ATP11B: variants seen among roughly 807,000 people sequenced by gnomAD.
The protein encoded by ATP11B is phospholipid-transporting ATPase IF.
Under a neutral mutation model 157.8 loss-of-function variants are expected in ATP11B, and 81 were observed. That is an observed-to-expected ratio of 0.51 (90% CI 0.43 to 0.62). The LOEUF (loss-of-function observed/expected upper bound fraction) is 0.62. Among genes scored for constraint, ATP11B ranks in the 20% least tolerant of loss-of-function variants. The pLI is 0.00. For synonymous variants in ATP11B, 451 were observed against 469.4 expected (o/e 0.96, Z 0.51); for missense variants, 1,165 against 1,402.2 (o/e 0.83, Z 2.70).
rs761899019 is a variant in ATP11B, at chr3:182,820,273, C to T, written c.41C>T (p.Pro14Leu). 5.0e-6 allele frequency: 8 copies of T among 1,613,390 alleles called. No individual in the cohort carries two copies. The highest frequency in any genetic ancestry group is 6.8e-6 in the Non-Finnish European group (8 of 1,179,360). ...GATTGGTCTTAGGGTTTTGACCCACCACATCAGAGTGACACAAGAACCATC... is the reference window on the plus strand; with the variant it reads ...GATTGGTCTTAGGGTTTTGACCCACTACATCAGAGTGACACAAGAACCATC... ...WIRQQLGFDP[P>L]HQSDTRTIYV... is the part of the protein sequence containing the mutation. The change falls in exon 2 of 30, where the codon CCA becomes CTA. Residue 14 changes from proline to leucine, a missense_variant. Coordinates refer to ENST00000323116, the MANE Select transcript of ATP11B (RefSeq NM_014616.3).
At chr3:182,798,819 A>G (rs1340337142) in intron 1 of ATP11B, among the ~76,000 whole-genome samples, 1 of 152,244 alleles carries the variant, frequency 6.6e-6, no homozygotes, top group Non-Finnish European at 1.5e-5. Context: ...AAAATATCTC[A>G]TTCATTTTCT....
chr3:182,917,437 A>G (rs1299408965), intron 29 of ATP11B: 1 of 985,384 alleles, frequency 1.0e-6, no homozygotes, highest in Non-Finnish European at 1.2e-6. Context: ...TTCAAACACC[A>G]GTTAACTTTT....
In ATP11B at chr3:182,857,862, C is replaced by CT; in HGVS notation, c.852-11dup. 7.0e-7 allele frequency: 1 copy of CT among 1,435,102 alleles called. No homozygotes were observed. Among genetic ancestry groups the CT allele is most frequent in the Non-Finnish European group, 9.7e-7 (1 of 1,030,378 alleles). 88.9% of individuals were successfully genotyped at this position (1,435,102 alleles called of 1,614,324 possible). On this transcript the variant is annotated splice_polypyrimidine_tract_variant and intron_variant, in intron 10 of 29. Coordinates refer to ENST00000323116, the MANE Select transcript of ATP11B (RefSeq NM_014616.3). ...ACATGAGTTGTATGTTTTATATTCT[C>CT]TTTTTCTTCCTTAAGGTCAATGAAT...
At chr3:182,818,333 G>C (rs890721862) in intron 1 of ATP11B, among the ~76,000 whole-genome samples, 2 of 152,176 alleles carry the variant, frequency 1.3e-5, no homozygotes, top group Non-Finnish European at 2.9e-5. Context: ...TTATTCATCT[G>C]TTTACCAAAT....
intron 8 of ATP11B, chr3:182,843,528 C>T (rs762796215): frequency 2.0e-5 from 3 of 152,130 alleles, no homozygotes; most frequent in Non-Finnish European, 2.9e-5. Context: ...AATCCAGAAC[C>T]GCTTACTTAC....
intron 8 of ATP11B, among the ~76,000 whole-genome samples, 196 bp downstream of exon 8, chr3:182,842,318 G>A (rs1418491431): frequency 6.6e-6 from 1 of 152,140 alleles, no homozygotes; most frequent in African/African-American, 2.4e-5. Flanking sequence ...GTGCAAGCTA[G>A]AGTGTTTAGT....
At chr3:182,808,126 G>A (rs1278382001) in intron 1 of ATP11B, among the ~76,000 whole-genome samples, 2 of 152,198 alleles carry the variant, frequency 1.3e-5, no homozygotes, top group Admixed American at 6.5e-5. Context: ...TACCTAGAAC[G>A]TTGTTTCTTC....
chr3:182,825,839 G>A (rs1001399846), intron 2 of ATP11B, among the ~76,000 whole-genome samples: 1 of 152,152 alleles, frequency 6.6e-6, no homozygotes, highest in African/African-American at 2.4e-5. Context: ...GGCGGAGGTT[G>A]CAGTGGGCCA....
intron 1 of ATP11B, among the ~76,000 whole-genome samples, chr3:182,800,603 T>C (rs1715937155): frequency 6.6e-6 from 1 of 152,146 alleles, no homozygotes; most frequent in African/African-American, 2.4e-5. Context: ...GTGAATGACA[T>C]GCATTGAATT....
At chr3:182,817,468 A>C (rs1175890205) in intron 1 of ATP11B, among the ~76,000 whole-genome samples, 1 of 152,062 alleles carries the variant, frequency 6.6e-6, no homozygotes, top group African/African-American at 2.4e-5. Flanking sequence ...TTTAGTAGAG[A>C]CGGAGTTTCA....
chr3:182,898,046 A>T (rs533743993), intron 27 of ATP11B, among the ~76,000 whole-genome samples: 168 of 152,170 alleles, frequency 1.1e-3, no homozygotes, highest in African/African-American at 3.8e-3. Context: ...GGCCAAAAAA[A>T]TTTGGATTAG....
chr3:182,851,012 C>G (rs1719935568), intron 10 of ATP11B, among the ~76,000 whole-genome samples: 1 of 152,110 alleles, frequency 6.6e-6, no homozygotes, highest in African/African-American at 2.4e-5. Flanking sequence ...CACAGAAAGA[C>G]ACTTCATTAG....
chr3:182,872,198 CATT>C (rs1235981391), intron 17 of ATP11B, among the ~76,000 whole-genome samples, 155 bp from the exon 18 acceptor site: 1 of 152,188 alleles, frequency 6.6e-6, no homozygotes, highest in Non-Finnish European at 1.5e-5. Context: ...AGCTTTGTGA[CATT>C]ATTTATTTCC....
In ATP11B at chr3:182,856,954, G is replaced by A. The variant is rs1720450303; in HGVS notation, c.852-924G>A. ...CATACATTTGAATTTATAATGATGA[G>A]TTCCTTTAATTGTATTAATATGTTT... On this transcript the variant is annotated intron_variant, in intron 10 of 29. Transcript: ENST00000323116. 2.0e-5 allele frequency among the ~76,000 whole-genome samples: 3 copies of A among 152,238 alleles called. No homozygotes were observed. In the South Asian group the frequency reaches 6.2e-4, roughly 32 times the overall value.
At chr3:182,826,554 C>T (rs1229807343) in intron 2 of ATP11B, among the ~76,000 whole-genome samples, 2 of 152,276 alleles carry the variant, frequency 1.3e-5, no homozygotes, top group East Asian at 1.9e-4. Context: ...ACATTGACTT[C>T]CTTTGGCTCC....
intron 4 of ATP11B, among the ~76,000 whole-genome samples, chr3:182,830,396 T>C (rs1349365162): frequency 1.3e-5 from 2 of 152,162 alleles, no homozygotes; most frequent in South Asian, 4.1e-4. Flanking sequence ...TTTTTATGTA[T>C]TTTCCCCCTG....
intron 10 of ATP11B, among the ~76,000 whole-genome samples, chr3:182,852,144 T>C (rs1720026825): frequency 6.6e-6 from 1 of 152,138 alleles, no homozygotes; most frequent in African/African-American, 2.4e-5. Flanking sequence ...TATTTTGAAA[T>C]TAAAAAACAA....
At chr3:182,867,163 A>G (rs1354212822) in intron 14 of ATP11B, among the ~76,000 whole-genome samples, 1 of 150,894 alleles carries the variant, frequency 6.6e-6, no homozygotes, top group African/African-American at 2.5e-5. Context: ...TCCTACCCTC[A>G]GGTGATCAAC....
At chr3:182,858,365 G>A (rs1231571609) in intron 11 of ATP11B, among the ~76,000 whole-genome samples, 3 of 152,172 alleles carry the variant, frequency 2.0e-5, no homozygotes, top group African/African-American at 4.8e-5. Flanking sequence ...GAATCAAAGA[G>A]TAAATGGATG....
Sources: gnomAD v4.1 joint callset for allele counts (sites outside exome capture counted in the v4.1 genomes callset) on GRCh38, gnomAD v4.1.1 for gene constraint, MANE v1.5 for transcripts, NCBI Gene and HGNC (gene_info 2026-07-23, HGNC 2026-07-21) for gene names.